Variants in ERC2 observed in about 807,000 individuals in gnomAD.
ERC2 encodes the protein ERC protein 2.
Under a neutral mutation model 114.8 loss-of-function variants are expected in ERC2, and 42 were observed. The ratio of observed to expected loss-of-function variants is 0.37; its 90% CI spans 0.29 to 0.47. The LOEUF (loss-of-function observed/expected upper bound fraction) is 0.47, where lower values mean the gene tolerates loss of function less well. ERC2 is among the 20% of genes least tolerant of loss of function. ERC2 has a pLI of 0.99. For synonymous variants in ERC2, 454 were observed against 425.5 expected (o/e 1.07, Z -0.82); for missense variants, 939 against 1,150.7 (o/e 0.82, Z 2.66).
At chr3:56,433,054 CG>C (rs559672184) in intron 2 of ERC2, among the ~76,000 whole-genome samples, 186 of 151,934 alleles carry the variant, frequency 1.2e-3, no homozygotes, top group African/African-American at 4.5e-3. Context: ...GATATGTGCC[CG>C]TAGTCCCAGC....
At chr3:55,583,583 T>C in intron 17 of ERC2, among the ~76,000 whole-genome samples, 1 of 138,974 alleles carries the variant, frequency 7.2e-6, no homozygotes, top group African/African-American at 2.7e-5. Context: ...CTTCCTTCCT[T>C]CCTTCCTTCC....
At chr3:55,917,248 G>T (rs542572145) in intron 13 of ERC2, among the ~76,000 whole-genome samples, 9 of 152,102 alleles carry the variant, frequency 5.9e-5, no homozygotes, top group African/African-American at 2.2e-4. Flanking sequence ...CAAGATTTTT[G>T]CAAGAAAAAA....
chr3:55,557,195 C>T (rs1017725909), intron 17 of ERC2, among the ~76,000 whole-genome samples: 55 of 152,208 alleles, frequency 3.6e-4, no homozygotes, highest in African/African-American at 1.3e-3. Context: ...TTGAAGAGGG[C>T]TGGAATTTGA....
At chr3:55,796,775 T>A (rs1424848706) in intron 14 of ERC2, among the ~76,000 whole-genome samples, 1 of 152,206 alleles carries the variant, frequency 6.6e-6, no homozygotes, top group African/African-American at 2.4e-5. Context: ...GCCACACCCA[T>A]TTGTTTATAA....
chr3:56,273,087 T>A (rs2053761717), intron 3 of ERC2, among the ~76,000 whole-genome samples: 1 of 152,174 alleles, frequency 6.6e-6, no homozygotes, highest in African/African-American at 2.4e-5. Flanking sequence ...TGGACCTGTG[T>A]CAGCAAACCT....
intron 17 of ERC2, among the ~76,000 whole-genome samples, chr3:55,682,475 C>T (rs1157654899): frequency 6.6e-6 from 1 of 152,112 alleles, no homozygotes; most frequent in African/African-American, 2.4e-5. Flanking sequence ...TGAACTGCCC[C>T]CTCAGTACCA....
At chr3:56,070,280 G>A (rs1299489905) in intron 7 of ERC2, among the ~76,000 whole-genome samples, 2 of 152,166 alleles carry the variant, frequency 1.3e-5, no homozygotes, top group Non-Finnish European at 2.9e-5. Context: ...TCTGCAGACT[G>A]AAATATGTAA....
intron 6 of ERC2, among the ~76,000 whole-genome samples, chr3:56,126,785 A>C (rs2079889233): frequency 1.1e-5 from 1 of 93,364 alleles, no homozygotes; most frequent in Non-Finnish European, 2.1e-5. Flanking sequence ...GAAAGAAAGA[A>C]AAGAAAGAAG....
chr3:56,276,642 A>C (rs530552304), intron 3 of ERC2, among the ~76,000 whole-genome samples: 1 of 152,228 alleles, frequency 6.6e-6, no homozygotes, highest in South Asian at 2.1e-4. Context: ...ATTTGAATAT[A>C]ATTTGAGAGG....
At chr3:56,465,479 C>T (rs1271361492) in intron 1 of ERC2, among the ~76,000 whole-genome samples, 2 of 152,198 alleles carry the variant, frequency 1.3e-5, no homozygotes, top group East Asian at 3.8e-4. Flanking sequence ...TACCTAATCA[C>T]TAATGGAAAA....
intron 17 of ERC2, among the ~76,000 whole-genome samples, chr3:55,530,123 C>T (rs568487994): frequency 2.6e-5 from 4 of 152,282 alleles, no homozygotes; most frequent in Admixed American, 2.6e-4. Context: ...TGGAGTTTTC[C>T]TGCAACTGCA....
intron 2 of ERC2, among the ~76,000 whole-genome samples, chr3:56,407,865 T>G (rs1317631975): frequency 6.6e-6 from 1 of 152,158 alleles, no homozygotes. Flanking sequence ...TCACTTCAGA[T>G]GCACACACTA....
At chr3:55,914,133 C>CA (rs1448847918) in intron 13 of ERC2, among the ~76,000 whole-genome samples, 2 of 151,988 alleles carry the variant, frequency 1.3e-5, no homozygotes, top group Non-Finnish European at 2.9e-5. Context: ...AAAATATTTT[C>CA]AGTTATTATT....
At chr3:56,319,422 A>G (rs2057023771) in intron 2 of ERC2, among the ~76,000 whole-genome samples, 1 of 152,200 alleles carries the variant, frequency 6.6e-6, no homozygotes, top group African/African-American at 2.4e-5. Context: ...GATTCCACTG[A>G]TATGAGGAAT....
At chr3:55,859,430 C>T (rs1388820113) in intron 14 of ERC2, among the ~76,000 whole-genome samples, 2 of 152,018 alleles carry the variant, frequency 1.3e-5, no homozygotes, top group Non-Finnish European at 2.9e-5. Context: ...AAGCTGTCTT[C>T]GTGTTTGTCT....
At chr3:55,586,104 G>A (rs1196567993) in intron 17 of ERC2, among the ~76,000 whole-genome samples, 2 of 152,152 alleles carry the variant, frequency 1.3e-5, no homozygotes, top group African/African-American at 4.8e-5. Context: ...CCATAGGCCT[G>A]ACTTGGAGGC....
intron 17 of ERC2, among the ~76,000 whole-genome samples, chr3:55,630,876 A>G (rs772567736): frequency 1.3e-5 from 2 of 152,222 alleles, no homozygotes; most frequent in Non-Finnish European, 2.9e-5. Flanking sequence ...GATCTAGATA[A>G]CACTGGAGAA....
chr3:55,630,812 G>A (rs1391132250), intron 17 of ERC2, among the ~76,000 whole-genome samples: 1 of 152,160 alleles, frequency 6.6e-6, no homozygotes, highest in Non-Finnish European at 1.5e-5. Flanking sequence ...CATAAAAATA[G>A]GTGTGCCACT....
In ERC2 at chr3:55,790,558, C is replaced by T. The variant is rs75667687; in HGVS notation, c.2565-55640G>A. 6.2e-3 allele frequency among the ~76,000 whole-genome samples: 943 copies of T among 152,292 alleles called. 8 individuals carry two copies. Among genetic ancestry groups the T allele is most frequent in the African/African-American group, 0.021 (888 of 41,568 alleles). On this transcript the variant is annotated intron_variant, in intron 14 of 17. Coordinates refer to ENST00000288221, the MANE Select transcript of ERC2 (RefSeq NM_015576.3). ...AGGCCAGGAGCACCAGAAGTTAATGCTCCTAAGAGCATCCCTCAGATAACA... is the reference window on the plus strand; with the variant it reads ...AGGCCAGGAGCACCAGAAGTTAATGTTCCTAAGAGCATCCCTCAGATAACA...
Sources: gnomAD v4.1 joint callset for allele counts (sites outside exome capture counted in the v4.1 genomes callset) on GRCh38, gnomAD v4.1.1 for gene constraint, MANE v1.5 for transcripts, NCBI Gene and HGNC (gene_info 2026-07-23, HGNC 2026-07-21) for gene names.